The following SLIT3 variants were observed in gnomAD, a reference collection of about 807,000 sequenced individuals.
SLIT3 encodes the protein slit homolog 3 protein.
SLIT3 carries 68 observed loss-of-function variants against 184.0 expected under a neutral mutation model. That is an observed-to-expected ratio of 0.37 (90% CI 0.30 to 0.45). The LOEUF (loss-of-function observed/expected upper bound fraction) is 0.45. Among genes scored for constraint, SLIT3 ranks in the 20% least tolerant of loss-of-function variants. SLIT3 has a pLI of 1.00. For missense variants in SLIT3, 1,707 were observed against 2,026.0 expected (o/e 0.84, Z 3.02); for synonymous variants, 831 against 828.6 (o/e 1.00, Z -0.05).
At chr5:169,295,611 G>T (rs538656958) in intron 1 of SLIT3, among the ~76,000 whole-genome samples, 78 of 152,224 alleles carry the variant, frequency 5.1e-4, no homozygotes, top group Non-Finnish European at 8.1e-4. Flanking sequence ...GTCTGTCTCC[G>T]GAGCGCCTGC....
chr5:168,747,417 A>C (rs1423583696), intron 20 of SLIT3, among the ~76,000 whole-genome samples: 1 of 152,194 alleles, frequency 6.6e-6, no homozygotes, highest in Non-Finnish European at 1.5e-5. Context: ...ATGTGAGCAG[A>C]GTACTTCATA....
chr5:168,813,807 C>G (rs937289887), intron 8 of SLIT3, among the ~76,000 whole-genome samples: 6 of 152,214 alleles, frequency 3.9e-5, no homozygotes, highest in African/African-American at 9.6e-5. Context: ...AGAGCCCTCA[C>G]AGGCTGAGCG....
chr5:168,785,552 G>A (rs1468009613), intron 12 of SLIT3, among the ~76,000 whole-genome samples: 2 of 152,200 alleles, frequency 1.3e-5, no homozygotes, highest in Non-Finnish European at 2.9e-5. Flanking sequence ...GTGTGTGGAT[G>A]TTTTAGTTCC....
At chr5:168,761,195 T>C (rs2113502460) in intron 15 of SLIT3, among the ~76,000 whole-genome samples, 1 of 152,264 alleles carries the variant, frequency 6.6e-6, no homozygotes, top group East Asian at 1.9e-4. Context: ...CGCGTGGGCA[T>C]GCGTTGTTTT....
At chr5:169,186,091 A>T (rs1159885242) in intron 4 of SLIT3, among the ~76,000 whole-genome samples, 1 of 152,212 alleles carries the variant, frequency 6.6e-6, no homozygotes, top group Non-Finnish European at 1.5e-5. Context: ...TTGGGAACTG[A>T]TTAAGGCTGA....
chr5:168,679,203 T>C (rs1209413243), intron 32 of SLIT3, among the ~76,000 whole-genome samples: 2 of 152,114 alleles, frequency 1.3e-5, no homozygotes, highest in African/African-American at 4.8e-5. Flanking sequence ...GGACCATACA[T>C]GTGCACTACT....
intron 4 of SLIT3, among the ~76,000 whole-genome samples, chr5:168,954,417 T>G (rs937845656): frequency 6.6e-6 from 1 of 152,042 alleles, no homozygotes; most frequent in Non-Finnish European, 1.5e-5. Flanking sequence ...AGGTGGGGCC[T>G]GGGGAGCATA....
At chr5:169,006,788 G>A (rs1755950493) in intron 4 of SLIT3, among the ~76,000 whole-genome samples, 1 of 152,170 alleles carries the variant, frequency 6.6e-6, no homozygotes, top group Non-Finnish European at 1.5e-5. Context: ...AAGCCTGAGT[G>A]CCTCCCACCC....
chr5:169,279,948 G>A (rs1766940031), intron 1 of SLIT3, among the ~76,000 whole-genome samples: 1 of 152,256 alleles, frequency 6.6e-6, no homozygotes, highest in Admixed American at 6.5e-5. Flanking sequence ...CACCACGCTT[G>A]CTTTTGTTCA....
chr5:168,952,843 C>T (rs762329661), intron 4 of SLIT3, among the ~76,000 whole-genome samples: 4 of 152,120 alleles, frequency 2.6e-5, no homozygotes, highest in East Asian at 1.9e-4. Flanking sequence ...GTTTCGCAGT[C>T]GGGGAGAGAG....
chr5:168,797,039 C>A (rs187831009), intron 9 of SLIT3, among the ~76,000 whole-genome samples: 1 of 151,982 alleles, frequency 6.6e-6, no homozygotes, highest in Non-Finnish European at 1.5e-5. Context: ...ATTAACAATG[C>A]CTTTGTACCC....
In SLIT3 at chr5:169,300,179, C is replaced by T. The variant is rs1283256592; in HGVS notation, c.197+334G>A. Among the ~76,000 whole-genome samples the T allele has an allele frequency of 6.6e-6, 1 of 152,220 alleles. No homozygotes were observed. Among genetic ancestry groups the T allele is most frequent in the African/African-American group, 2.4e-5 (1 of 41,472 alleles). ...TTTTTAACGAGCGCAGACCCCTGAC[C>T]CTCACCCTAAGACCTTGAGGCTGCA... On this transcript the variant is annotated intron_variant, in intron 1 of 35. Transcript: ENST00000519560. This position sits in a 1 kb window ranked among gnomAD's most constrained non-coding sequence, Gnocchi z 4.1.
At chr5:169,231,382 C>T (rs1452078693) in intron 3 of SLIT3, among the ~76,000 whole-genome samples, 3 of 152,168 alleles carry the variant, frequency 2.0e-5, no homozygotes, top group Non-Finnish European at 4.4e-5. Flanking sequence ...CTCCCCATTG[C>T]TTAACACCAC....
chr5:169,051,519 T>A (rs976469545), intron 4 of SLIT3, among the ~76,000 whole-genome samples: 1 of 152,200 alleles, frequency 6.6e-6, no homozygotes, highest in Admixed American at 6.5e-5. Flanking sequence ...GGGCCCAGGA[T>A]AATTAACCAA....
At chr5:168,726,798 C>A (rs79665472) in intron 20 of SLIT3, among the ~76,000 whole-genome samples, 4,005 of 92,942 alleles carry the variant, frequency 0.043, 178 homozygotes, top group African/African-American at 0.11. Context: ...CATGGTGAAA[C>A]CCCCCTCCTA....
At chr5:169,236,966 C>T (rs1227870414) in intron 3 of SLIT3, among the ~76,000 whole-genome samples, 3 of 152,182 alleles carry the variant, frequency 2.0e-5, no homozygotes, top group Non-Finnish European at 2.9e-5. Context: ...CCCATTTCAA[C>T]AGCAAGAAAT....
At chr5:169,257,530 C>T (rs987162965) in intron 1 of SLIT3, among the ~76,000 whole-genome samples, 11 of 139,718 alleles carry the variant, frequency 7.9e-5, no homozygotes, top group African/African-American at 3.0e-4. Context: ...CTTTCTATGC[C>T]TCCTTTTTTT....
At chr5:169,257,676 C>T (rs1459026180) in intron 1 of SLIT3, among the ~76,000 whole-genome samples, 1 of 151,452 alleles carries the variant, frequency 6.6e-6, no homozygotes, top group Non-Finnish European at 1.5e-5. Flanking sequence ...CCTCAGCCTC[C>T]CAAGTAACTG....
intron 4 of SLIT3, among the ~76,000 whole-genome samples, chr5:169,125,738 A>AC (rs1761054786): frequency 6.6e-6 from 1 of 152,208 alleles, no homozygotes; most frequent in Non-Finnish European, 1.5e-5. Flanking sequence ...GAGAGGGAGG[A>AC]AAAGAACGTG....
Sources: allele counts gnomAD v4.1 joint callset (sites outside exome capture counted in the v4.1 genomes callset), GRCh38; gene constraint gnomAD v4.1.1; non-coding constraint Gnocchi (gnomAD v3.1); transcripts MANE v1.5; gene names NCBI Gene and HGNC (gene_info 2026-07-23, HGNC 2026-07-21).